The following CFAP61 variants were observed in gnomAD, a reference collection of about 807,000 sequenced individuals.
The protein encoded by CFAP61 is cilia and flagella associated protein 61, also known as cilia- and flagella-associated protein 61.
In CFAP61, 107 loss-of-function variants were observed where a neutral mutation model predicts 135.6. The observed-to-expected ratio is 0.79, with a 90% CI of 0.67 to 0.93. CFAP61 has a LOEUF of 0.93. Among genes scored for constraint, CFAP61 ranks in the 40% least tolerant of loss-of-function variants. CFAP61 has a pLI of 0.00. For missense variants in CFAP61, 1,507 were observed against 1,556.2 expected, an observed-to-expected ratio of 0.97 and a Z score of 0.53; for synonymous variants, 575 against 578.5, an observed-to-expected ratio of 0.99 and a Z score of 0.09.
intron 25 of CFAP61, among the ~76,000 whole-genome samples, chr20:20,335,270 A>G (rs1007934359): frequency 6.6e-6 from 1 of 152,254 alleles, no homozygotes; most frequent in African/African-American, 2.4e-5. Context: ...AACCAAAAAC[A>G]TCTCCCAATT....
At chr20:20,079,614 GCAGCATGTC>G (rs1157686989) in intron 6 of CFAP61, among the ~76,000 whole-genome samples, 2 of 152,044 alleles carry the variant, frequency 1.3e-5, no homozygotes, top group Non-Finnish European at 1.5e-5. Flanking sequence ...TGAGAGCGGG[GCAGCATGTC>G]TCTTAACGAA....
intron 26 of CFAP61, among the ~76,000 whole-genome samples, chr20:20,348,412 G>C (rs1044749342): frequency 2.6e-5 from 4 of 152,004 alleles, no homozygotes; most frequent in African/African-American, 9.7e-5. Context: ...GGGAGGCTGG[G>C]TGCAGTGGGT....
intron 17 of CFAP61, among the ~76,000 whole-genome samples, chr20:20,209,784 G>A (rs922447726): frequency 1.3e-5 from 2 of 152,206 alleles, no homozygotes; most frequent in African/African-American, 4.8e-5. Context: ...CATGGACATG[G>A]AATGTCATGG....
chr20:20,161,277 A>T (rs1210228716), intron 10 of CFAP61, among the ~76,000 whole-genome samples: 1 of 152,074 alleles, frequency 6.6e-6, no homozygotes, highest in Non-Finnish European at 1.5e-5. Flanking sequence ...GCCTGCCCCC[A>T]CCACTGCATC....
rs371793125 is a variant in CFAP61 at position 20,090,860 on chromosome 20, G to A, written c.583G>A (p.Asp195Asn). 3.7e-5 allele frequency: 59 copies of A among 1,614,070 alleles called. No individual in the cohort carries two copies. In the Middle Eastern group the frequency reaches 6.6e-4, roughly 18 times the overall value. Residue 195 changes from aspartate (D) to asparagine (N), a missense_variant, in exon 7 of 27, where the codon GAT becomes AAT. Transcript: ENST00000245957. ...VRKARVEDHD[D>N]LMPIFMRYDT... Reference sequence around the variant, plus strand: ...ATTAAACAGGGTGGAAGACCATGACGATCTCATGCCAATATTTATGCGCTA... The same window carrying A: ...ATTAAACAGGGTGGAAGACCATGACAATCTCATGCCAATATTTATGCGCTA...
At chr20:20,146,845 T>C (rs1157364271) in intron 9 of CFAP61, among the ~76,000 whole-genome samples, 1 of 152,206 alleles carries the variant, frequency 6.6e-6, no homozygotes, top group South Asian at 2.1e-4. Flanking sequence ...TCTGAGATTT[T>C]AGTGCATCCG....
intron 17 of CFAP61, among the ~76,000 whole-genome samples, chr20:20,214,679 TCA>T (rs1180992888): frequency 2.0e-5 from 3 of 152,214 alleles, no homozygotes; most frequent in Non-Finnish European, 4.4e-5. Flanking sequence ...CAAAGAAGAC[TCA>T]CAGCCCCCTG....
At chr20:20,260,900 C>T (rs996568) in intron 20 of CFAP61, among the ~76,000 whole-genome samples, 94,094 of 152,070 alleles carry the variant, frequency 0.62, 30,073 homozygotes, top group East Asian at 0.96. Context: ...TTCAAAAGCC[C>T]GAAGCACAGT....
At position 20,321,483 on chromosome 20, in the gene CFAP61, G is replaced by A. The variant is rs1004704308; in HGVS notation, c.3423-20348G>A. Among the ~76,000 whole-genome samples the A allele has an allele frequency of 7.2e-5, 11 of 152,178 alleles. No individual in the cohort carries two copies. The South Asian group carries it at 1.0e-3, about 14-fold the overall frequency. ...GAAACAGAAATCAACCAAAGCTATA[G>A]ATTTAAGGTAAAAAGGAGAATCCAT... On this transcript the variant is annotated intron_variant, in intron 25 of 26. Transcript: ENST00000245957.
intron 2 of CFAP61, among the ~76,000 whole-genome samples, chr20:20,064,344 T>C (rs1273293080): frequency 6.6e-6 from 1 of 152,238 alleles, no homozygotes; most frequent in East Asian, 1.9e-4. Flanking sequence ...TATTTTTTCC[T>C]CATTAAGTTG....
chr20:20,053,005 A>G (rs1320807303), intron 1 of CFAP61, among the ~76,000 whole-genome samples: 1 of 152,250 alleles, frequency 6.6e-6, no homozygotes, highest in Non-Finnish European at 1.5e-5. Flanking sequence ...TTAGGAAAAA[A>G]TATAAATAGA....
chr20:20,249,311 A>G (rs2050706500), intron 19 of CFAP61, among the ~76,000 whole-genome samples: 1 of 152,116 alleles, frequency 6.6e-6, no homozygotes, highest in Admixed American at 6.5e-5. Context: ...CAAGGTGAGA[A>G]GATTGCTTGT....
chr20:20,201,471 GCAGGGTCCA>G (rs2146896787), intron 17 of CFAP61, among the ~76,000 whole-genome samples: 1 of 152,310 alleles, frequency 6.6e-6, no homozygotes, highest in African/African-American at 2.4e-5. Flanking sequence ...TTCTTAAGTA[GCAGGGTCCA>G]CAGCACTGGA....
At chr20:20,320,903 A>C (rs1395196226) in intron 25 of CFAP61, among the ~76,000 whole-genome samples, 2 of 151,754 alleles carry the variant, frequency 1.3e-5, no homozygotes, top group Non-Finnish European at 2.9e-5. Context: ...GGGGTCCTGG[A>C]CACAATTAAT....
At chr20:20,093,035 A>G (rs559372182) in intron 7 of CFAP61, among the ~76,000 whole-genome samples, 15 of 152,374 alleles carry the variant, frequency 9.8e-5, no homozygotes, top group African/African-American at 3.6e-4. Flanking sequence ...AGCATTATTC[A>G]TAATAGCCAA....
intron 25 of CFAP61, among the ~76,000 whole-genome samples, chr20:20,318,903 C>A (rs2057288956): frequency 6.6e-6 from 1 of 152,192 alleles, no homozygotes. Flanking sequence ...GTGGTTTTGG[C>A]TCCTCCTTCC....
chr20:20,199,721 G>GCCTCTCTGACATTCTCT (rs773558064), intron 16 of CFAP61, 47 bp from the exon 17 acceptor site: 1 of 1,610,220 alleles, frequency 6.2e-7, no homozygotes, highest in Non-Finnish European at 8.5e-7. Context: ...TCTGTGCTGA[G>GCCTCTCTGACATTCTCT]CCTCTCTGAC....
chr20:20,183,158 C>T (rs1375474073), intron 13 of CFAP61, among the ~76,000 whole-genome samples: 1 of 149,498 alleles, frequency 6.7e-6, no homozygotes, highest in African/African-American at 2.5e-5. Flanking sequence ...CTTTTCTTTT[C>T]TTTTTTTTTT....
intron 2 of CFAP61, among the ~76,000 whole-genome samples, chr20:20,063,216 CT>C (rs1209768513): frequency 2.6e-5 from 4 of 152,160 alleles, no homozygotes; most frequent in Non-Finnish European, 1.5e-5. Flanking sequence ...ATGGAGAATA[CT>C]TTTTAGCTCA....
Sources: allele counts gnomAD v4.1 joint callset (sites outside exome capture counted in the v4.1 genomes callset), GRCh38; gene constraint gnomAD v4.1.1; transcripts MANE v1.5; gene names NCBI Gene and HGNC (gene_info 2026-07-23, HGNC 2026-07-21).